MSRA: variants seen among roughly 807,000 people sequenced by gnomAD.
MSRA encodes mitochondrial peptide methionine sulfoxide reductase.
A neutral mutation model predicts 31.3 loss-of-function variants in MSRA; 54 were observed. That is an observed-to-expected ratio of 1.73 (90% confidence interval 1.39 to 2.17). The LOEUF is 2.17. Ranked by LOEUF, MSRA falls within the 30% of genes most tolerant of loss-of-function variation. MSRA has a pLI of 0.00. For synonymous variants in MSRA, 169 were observed against 116.5 expected (o/e 1.45, Z -2.90); for missense variants, 507 against 300.9 (o/e 1.69, Z -5.07).
intron 2 of MSRA, among the ~76,000 whole-genome samples, chr8:10,210,869 G>C (rs1199375559): frequency 2.0e-5 from 3 of 151,814 alleles, no homozygotes; most frequent in Non-Finnish European, 4.4e-5. Context: ...AAGTAGCTGG[G>C]ATTACAGGTG....
intron 1 of MSRA, among the ~76,000 whole-genome samples, chr8:10,144,097 G>C (rs576399877): frequency 3.3e-4 from 50 of 152,286 alleles, no homozygotes; most frequent in African/African-American, 1.2e-3. Flanking sequence ...CTATAGTATA[G>C]TGACCGGATT....
intron 5 of MSRA, among the ~76,000 whole-genome samples, chr8:10,391,770 ATTTG>A (rs1394993081): frequency 5.9e-5 from 9 of 152,138 alleles, no homozygotes; most frequent in Admixed American, 5.9e-4. Flanking sequence ...TCATGTCCTT[ATTTG>A]TTTGTGGCTT....
intron 5 of MSRA, among the ~76,000 whole-genome samples, chr8:10,399,380 A>G (rs1807300575): frequency 6.6e-6 from 1 of 152,214 alleles, no homozygotes; most frequent in Non-Finnish European, 1.5e-5. Flanking sequence ...GGTGCCAGGT[A>G]TAGGATCAGG....
chr8:10,132,735 T>C (rs1380708160), intron 1 of MSRA, among the ~76,000 whole-genome samples: 3 of 152,232 alleles, frequency 2.0e-5, no homozygotes, highest in Non-Finnish European at 2.9e-5. Flanking sequence ...CTAATTGCTG[T>C]TTATCAAATG....
intron 1 of MSRA, among the ~76,000 whole-genome samples, chr8:10,114,510 A>G (rs79750114): frequency 2.4e-5 from 3 of 126,234 alleles, no homozygotes; most frequent in South Asian, 2.4e-4. Flanking sequence ...TATTATTATT[A>G]TTATTTTTTA....
intron 1 of MSRA, among the ~76,000 whole-genome samples, chr8:10,142,317 A>G (rs987742567): frequency 1.3e-5 from 2 of 151,940 alleles, no homozygotes; most frequent in Non-Finnish European, 2.9e-5. Context: ...GAGGTAGGTA[A>G]TAGGATTCCC....
chr8:10,234,585 A>G (rs1325618552), intron 2 of MSRA, among the ~76,000 whole-genome samples: 3 of 152,254 alleles, frequency 2.0e-5, no homozygotes. Flanking sequence ...AAATGAGGTT[A>G]TGGAAAGAAG....
chr8:10,420,536 C>G (rs1808744804), intron 5 of MSRA, among the ~76,000 whole-genome samples: 1 of 152,010 alleles, frequency 6.6e-6, no homozygotes. Flanking sequence ...CTTAGGTGGC[C>G]TTTCCTTCAT....
At chr8:10,418,716 G>A (rs1166692762) in intron 5 of MSRA, among the ~76,000 whole-genome samples, 1 of 145,744 alleles carries the variant, frequency 6.9e-6, no homozygotes, top group African/African-American at 2.5e-5. Context: ...GACTTCTAGA[G>A]ATAGTAGTGA....
intron 5 of MSRA, among the ~76,000 whole-genome samples, chr8:10,408,173 T>G (rs1807936251): frequency 1.3e-5 from 2 of 152,162 alleles, no homozygotes; most frequent in South Asian, 4.1e-4. Flanking sequence ...GGACGAGATG[T>G]GCAAAAATCG....
At chr8:10,232,275 G>C (rs1203289218) in intron 2 of MSRA, among the ~76,000 whole-genome samples, 2 of 152,202 alleles carry the variant, frequency 1.3e-5, no homozygotes, top group African/African-American at 4.8e-5. Flanking sequence ...TTTCCACTCT[G>C]ACAAGACAGA....
At chr8:10,071,020 G>T (rs561062098) in intron 1 of MSRA, among the ~76,000 whole-genome samples, 1 of 152,192 alleles carries the variant, frequency 6.6e-6, no homozygotes, top group Non-Finnish European at 1.5e-5. Flanking sequence ...GTGCCCAGGA[G>T]TGCAATTGCT....
chr8:10,176,960 G>T lies in MSRA; in HGVS notation c.143-30873G>T, dbSNP rs920747817. 3.9e-5 allele frequency among the ~76,000 whole-genome samples: 6 copies of T among 152,324 alleles called. No individual in the cohort carries two copies. In the South Asian group the frequency reaches 1.2e-3, roughly 32 times the overall value. On this transcript the variant is annotated intron_variant, in intron 1 of 5. Transcript: ENST00000317173. ...ACAGAGTCTTGTCTGGAGACATATT[G>T]ATGGGGGCTGTAACCTCACCCAGTT... is the stretch of plus-strand genomic sequence containing the variant.
intron 1 of MSRA, among the ~76,000 whole-genome samples, chr8:10,188,296 G>A (rs187649171): frequency 4.6e-5 from 7 of 152,078 alleles, no homozygotes; most frequent in African/African-American, 1.7e-4. Flanking sequence ...TCACATTTGT[G>A]GATTTGTGTA....
intron 5 of MSRA, among the ~76,000 whole-genome samples, chr8:10,321,601 A>G (rs930504466): frequency 1.3e-5 from 2 of 152,152 alleles, no homozygotes; most frequent in African/African-American, 2.4e-5. Flanking sequence ...TTAGCAACTC[A>G]CTTCTAATGA....
intron 1 of MSRA, among the ~76,000 whole-genome samples, chr8:10,118,180 G>T (rs1344607666): frequency 6.6e-6 from 1 of 152,138 alleles, no homozygotes; most frequent in Non-Finnish European, 1.5e-5. Context: ...TTGGAGTAAT[G>T]TTTTTAGTTC....
chr8:10,350,981 T>A (rs1325688102), intron 5 of MSRA, among the ~76,000 whole-genome samples: 1 of 146,004 alleles, frequency 6.8e-6, no homozygotes, highest in African/African-American at 2.5e-5. Context: ...TAAACCACCC[T>A]CCAGAACTCT....
intron 5 of MSRA, among the ~76,000 whole-genome samples, chr8:10,358,642 G>C (rs1183289834): frequency 7.7e-6 from 1 of 129,060 alleles, no homozygotes; most frequent in East Asian, 2.3e-4. Context: ...GCCCAGGCTG[G>C]AGTGCAGTGG....
intron 5 of MSRA, among the ~76,000 whole-genome samples, chr8:10,400,391 T>TAGTGTGC (rs1807384486): frequency 6.6e-6 from 1 of 151,028 alleles, no homozygotes; most frequent in East Asian, 1.9e-4. Context: ...GTGTAGTGTG[T>TAGTGTGC]AGTGTGTAGG....
Sources: allele counts gnomAD v4.1 joint callset (sites outside exome capture counted in the v4.1 genomes callset), GRCh38; gene constraint gnomAD v4.1.1; transcripts MANE v1.5; gene names NCBI Gene and HGNC (gene_info 2026-07-23, HGNC 2026-07-21).